GPR75: variants seen among roughly 807,000 people sequenced by gnomAD.
GPR75 encodes the protein G protein-coupled receptor 75, also known as probable G protein-coupled receptor 75.
In GPR75, 27 loss-of-function variants were observed where a neutral mutation model predicts 26.0. The observed-to-expected ratio is 1.04, with a 90% CI of 0.77 to 1.43. The LOEUF (loss-of-function observed/expected upper bound fraction) is 1.43. Among genes scored for constraint, GPR75 ranks in the 40% most tolerant of loss-of-function variants. The probability of loss-of-function intolerance (pLI) is 0.00; values close to 1 mark genes in which losing one functional copy is unlikely to be tolerated. For synonymous variants in GPR75, 285 were observed against 256.3 expected (o/e 1.11, Z -1.07); for missense variants, 699 against 662.3 (o/e 1.06, Z -0.61).
intron 1 of GPR75, among the ~76,000 whole-genome samples, chr2:53,857,089 G>A (rs1418997485): frequency 6.8e-6 from 1 of 147,126 alleles, no homozygotes; most frequent in African/African-American, 2.5e-5. Context: ...TCAGCCTCCC[G>A]AGTAGCTGGG....
chr2:53,853,951 G>A lies in GPR75; in HGVS notation c.806C>T (p.Pro269Leu), dbSNP rs149812085. ...GGGDPIQCAMPALYRNQNYNK... is the reference protein window; with the variant it reads ...GGGDPIQCAMLALYRNQNYNK... The stretch of plus-strand genomic sequence containing the variant: ...GTAATTCTGGTTCCTATACAGAGCC[G>A]GCATGGCACACTGGATGGGATCTCC... The change falls in exon 2 of 2, where the codon CCG becomes CTG. Residue 269 changes from proline to leucine, a missense_variant. Physicochemically the swap from Pro to Leu is moderately conservative, Grantham distance 98. Transcript: ENST00000394705. 44 of 1,613,840 alleles carry A rather than the reference G, an allele frequency of 2.7e-5. No individual in the cohort carries two copies. The highest frequency in any genetic ancestry group is 1.6e-4 in the East Asian group (7 of 44,874).
At position 53,859,935 on chromosome 2, in the gene GPR75, C is replaced by G. The variant is rs922882134; in HGVS notation, c.-217G>C. 1.1e-4 allele frequency: 158 copies of G among 1,495,124 alleles called. No homozygotes were observed. The highest frequency in any genetic ancestry group is 1.2e-4 in the Non-Finnish European group (135 of 1,127,364). The allele number at this position is 1,495,124 out of a possible 1,614,324, so 92.6% of individuals were successfully genotyped here. A position where few individuals can be genotyped will look rare whatever the true frequency, so the allele number is the denominator to read the frequency against. ...CTAGAGGCATCATCGCCATCGCCACCGCCTCCGCGCATCCCGGGAGCCGCG... is the reference window on the plus strand; with the variant it reads ...CTAGAGGCATCATCGCCATCGCCACGGCCTCCGCGCATCCCGGGAGCCGCG... On this transcript the variant is annotated 5_prime_UTR_variant, in exon 1 of 2. Transcript: ENST00000394705.
chr2:53,854,974 C>T, intron 1 of GPR75, 109 bp from the exon 2 acceptor site: 1 of 518,988 alleles, frequency 1.9e-6, no homozygotes, highest in Non-Finnish European at 3.4e-6. Context: ...TAGTATCTCT[C>T]ACCTTGAGAG....
intron 1 of GPR75, among the ~76,000 whole-genome samples, chr2:53,856,619 T>C (rs1678232761): frequency 6.6e-6 from 1 of 152,222 alleles, no homozygotes; most frequent in South Asian, 2.1e-4. Context: ...GATACAGCCA[T>C]GCCAGTGACT....
chr2:53,853,341 C>T lies in GPR75; in HGVS notation c.1416G>A (p.Ser472=), dbSNP rs34959066. 1.3e-4 allele frequency: 205 copies of T among 1,614,028 alleles called. No individual in the cohort carries two copies. Among genetic ancestry groups the T allele is most frequent in the East Asian group, 4.5e-4 (20 of 44,872 alleles). Residue 472 remains serine (S), a synonymous_variant, in exon 2 of 2, where the codon TCG becomes TCA. Transcript: ENST00000394705. ...GTTCAATCCGAGTGTTGATGGGGGT[C>T]GAGCTGCTCTGACCACAGTGTTGAT... is the stretch of plus-strand genomic sequence containing the variant. ...AGHQHCGQSS[S]TPINTRIEPY...
chr2:53,859,696 C>T (rs532624279), intron 1 of GPR75, 132 bp downstream of exon 1: 101 of 648,096 alleles, frequency 1.6e-4, no homozygotes, highest in Non-Finnish European at 2.3e-4. Context: ...CCCTGCAGGC[C>T]GCACCAGGAA....
rs1319712388 is a variant in GPR75, at chr2:53,853,995, C to T, written c.762G>A (p.Gly254=). ...GATCTCCACCTCCCTGCACAGGGAC[C>T]CCCATGAAAGGCTGTGGTCTGGAAG... is the stretch of plus-strand genomic sequence containing the variant. The part of the protein sequence containing the change: ...VDASRPQPFM[G]VPVQGGGDPI... Residue 254 remains glycine, a synonymous_variant, in exon 2 of 2, where the codon GGG becomes GGA. Coordinates refer to ENST00000394705, the MANE Select transcript of GPR75 (RefSeq NM_006794.4). The T allele has an allele frequency of 1.9e-6, 3 of 1,614,158 alleles. No individual in the cohort carries two copies. Among genetic ancestry groups the T allele is most frequent in the Admixed American group, 1.7e-5 (1 of 60,008 alleles).
Position 53,854,818 on chromosome 2 carries a change from G to C in GPR75, c.-62C>G. ...AAATACTCAGTGAGTCAGGGCCTCA[G>C]CTCACAGATGAGCAATATGTGACAA... On this transcript the variant is annotated 5_prime_UTR_variant, in exon 2 of 2. Transcript: ENST00000394705. 1 of 1,298,854 alleles carries C rather than the reference G, an allele frequency of 7.7e-7. No homozygotes were observed. Among genetic ancestry groups the C allele is most frequent in the Non-Finnish European group, 1.1e-6 (1 of 919,964 alleles). The allele number at this position is 1,298,854 out of a possible 1,614,324, so 80.5% of individuals were successfully genotyped here.
intron 1 of GPR75, among the ~76,000 whole-genome samples, chr2:53,855,118 G>GCTCT (rs1428104122): frequency 6.6e-6 from 1 of 151,020 alleles, no homozygotes; most frequent in East Asian, 1.9e-4. Context: ...ACCAAACCCA[G>GCTCT]CTCTCTCTCT....
At position 53,853,599 on chromosome 2, in the gene GPR75, T is replaced by G. The variant is rs1333893198; in HGVS notation, c.1158A>C (p.Lys386Asn). The change falls in exon 2 of 2, where the codon AAA becomes AAC. Residue 386 changes from lysine (K) to asparagine (N), a missense_variant. By Grantham distance (94) the Lys-to-Asn change is moderately conservative. Transcript: ENST00000394705. ...YSRNSAGLRR[K>N]VLWCLQYIGL... ...CTATGTATTGGAGGCACCAGAGCAC[T>G]TTCCTTCTCAGCCCTGCACTGTTCC... 1.9e-6 allele frequency: 3 copies of G among 1,614,032 alleles called. No individual in the cohort carries two copies. The highest frequency in any genetic ancestry group is 1.6e-4 in the Middle Eastern group (1 of 6,062).
chr2:53,855,937 T>C (rs910609106), intron 1 of GPR75, among the ~76,000 whole-genome samples: 3 of 152,162 alleles, frequency 2.0e-5, no homozygotes, highest in African/African-American at 4.8e-5. Context: ...ACCAAGGATG[T>C]TGGAATTATA....
intron 1 of GPR75, among the ~76,000 whole-genome samples, chr2:53,858,165 T>C (rs931187805): frequency 6.6e-6 from 1 of 152,160 alleles, no homozygotes; most frequent in African/African-American, 2.4e-5. Context: ...TTCACCACCA[T>C]GCTAACCCGA....
In GPR75 at chr2:53,853,108, C is replaced by T. The variant is rs373862786; in HGVS notation, c.*26G>A. ...TACTATCAGAAACAAAAACTGTTTA[C>T]ATAAGATCCTATAGCCTCCATGACT... On this transcript the variant is annotated 3_prime_UTR_variant, in exon 2 of 2. Coordinates refer to ENST00000394705, the MANE Select transcript of GPR75 (RefSeq NM_006794.4). 6.4e-7 allele frequency: 1 copy of T among 1,555,696 alleles called. No homozygotes were observed. The highest frequency in any genetic ancestry group is 8.8e-7 in the Non-Finnish European group (1 of 1,137,160).
rs1280563811 is a variant in GPR75 at position 53,854,521 on chromosome 2, A to C, written c.236T>G (p.Phe79Cys). ...GGACAGGTTCAGGATCATGAAATCAAAGTTGGTTCTGAATTTCCTGAAGGC... is the reference window on the plus strand; with the variant it reads ...GGACAGGTTCAGGATCATGAAATCACAGTTGGTTCTGAATTTCCTGAAGGC... ...DPAFRKFRTNFDFMILNLSFC... is the reference protein window; with the variant it reads ...DPAFRKFRTNCDFMILNLSFC... The change falls in exon 2 of 2, where the codon TTT becomes TGT. Residue 79 changes from phenylalanine (F) to cysteine (C), a missense_variant. By Grantham distance (205) the Phe-to-Cys change is radical (BLOSUM62 -2). Transcript: ENST00000394705. 1 of 1,614,166 alleles carries C rather than the reference A, an allele frequency of 6.2e-7. No individual in the cohort carries two copies. The highest frequency in any genetic ancestry group is 8.5e-7 in the Non-Finnish European group (1 of 1,180,018).
At chr2:53,856,341 G>C (rs773281233) in intron 1 of GPR75, among the ~76,000 whole-genome samples, 1 of 152,206 alleles carries the variant, frequency 6.6e-6, no homozygotes, top group African/African-American at 2.4e-5. Context: ...GTTCCTTGGA[G>C]ACAGCACTAT....
At chr2:53,856,588 G>T (rs964708660) in intron 1 of GPR75, among the ~76,000 whole-genome samples, 12 of 152,176 alleles carry the variant, frequency 7.9e-5, no homozygotes, top group African/African-American at 2.7e-4. Flanking sequence ...CAATACAGAA[G>T]TCTCTCCACA....
intron 1 of GPR75, among the ~76,000 whole-genome samples, chr2:53,859,578 T>C (rs1197761590): frequency 1.0e-4 from 5 of 48,874 alleles, no homozygotes; most frequent in African/African-American, 4.3e-4. Context: ...CGCAGAGGGG[T>C]GGTGGGTTAG....
At chr2:53,859,405 A>G (rs1190913787) in intron 1 of GPR75, among the ~76,000 whole-genome samples, 5 of 152,148 alleles carry the variant, frequency 3.3e-5, no homozygotes, top group Admixed American at 3.3e-4. Context: ...GGGAGGGATG[A>G]AGAGGCCAGG....
intron 1 of GPR75, among the ~76,000 whole-genome samples, chr2:53,855,737 A>G (rs1678209650): frequency 6.6e-6 from 1 of 152,330 alleles, no homozygotes; most frequent in South Asian, 2.1e-4. Flanking sequence ...TTGTTGATGC[A>G]TAATGTGGCC....
Sources: allele counts gnomAD v4.1 joint callset (sites outside exome capture counted in the v4.1 genomes callset), GRCh38; gene constraint gnomAD v4.1.1; transcripts MANE v1.5; gene names NCBI Gene and HGNC (gene_info 2026-07-23, HGNC 2026-07-21).